The following TBCD variants were observed in gnomAD, a reference collection of about 807,000 sequenced individuals.
TBCD encodes the protein tubulin folding cofactor D.
TBCD carries 105 observed loss-of-function variants against 169.3 expected under a neutral mutation model. The ratio of observed to expected loss-of-function variants is 0.62; its 90% CI spans 0.53 to 0.73. The LOEUF is 0.73. TBCD is among the 30% of genes least tolerant of loss of function. The probability of loss-of-function intolerance (pLI) is 0.00; values close to 1 mark genes in which losing one functional copy is unlikely to be tolerated. For missense variants in TBCD, 1,444 were observed against 1,600.1 expected (o/e 0.90, Z 1.66); for synonymous variants, 700 against 643.9 (o/e 1.09, Z -1.32).
At chr17:82,879,627 T>C (rs1051963644) in intron 14 of TBCD, among the ~76,000 whole-genome samples, 5 of 152,214 alleles carry the variant, frequency 3.3e-5, no homozygotes, top group Admixed American at 6.5e-5. Context: ...CCCTCTGTGC[T>C]GGGCTCCCCA....
At chr17:82,807,726 T>A in intron 11 of TBCD, 58 bp downstream of exon 11, 1 of 1,320,666 alleles carries the variant, frequency 7.6e-7, no homozygotes, top group Non-Finnish European at 9.8e-7. Flanking sequence ...TCCTGTGCGA[T>A]TCAGCAGCTA....
At position 82,832,131 on chromosome 17, in the gene TBCD, C is replaced by A. The variant is rs752120838; in HGVS notation, c.1318+17197C>A. The A allele has an allele frequency of 1.2e-6, 2 of 1,614,200 alleles. No homozygotes were observed. Among genetic ancestry groups the A allele is most frequent in the African/African-American group, 2.7e-5 (2 of 75,050 alleles). On this transcript the variant is annotated intron_variant, in intron 13 of 38. Transcript: ENST00000355528. The surrounding 1 kb of genome is among the most constrained non-coding windows in gnomAD (Gnocchi z 4.9). ...GCTCCAGGTTTTCCTTGATGTCTTC[C>A]CTGGCAGAGCTGTGCTGAAGCTTCG...
chr17:82,883,144 G>T (rs1006289042), intron 14 of TBCD, among the ~76,000 whole-genome samples: 1 of 152,354 alleles, frequency 6.6e-6, no homozygotes, highest in Non-Finnish European at 1.5e-5. Flanking sequence ...TCATGTTGAC[G>T]CGGGCCCCGC....
In TBCD at chr17:82,923,748, C is replaced by T. The variant is rs1371358989; in HGVS notation, c.2260+15C>T. 2 of 1,585,630 alleles carry T rather than the reference C, an allele frequency of 1.3e-6. No homozygotes were observed. Among genetic ancestry groups the T allele is most frequent in the African/African-American group, 2.7e-5 (2 of 74,232 alleles). On this transcript the variant is annotated intron_variant, in intron 26 of 38. Transcript: ENST00000355528. The surrounding 1 kb of genome is among the most constrained non-coding windows in gnomAD (Gnocchi z 4.6). ...CGCAATTCAGGGTGAGTGGGGAGCC[C>T]TTTTCTTGAAGACTCCAGGGGCTTC...
At chr17:82,799,483 A>C (rs1226991013) in intron 8 of TBCD, among the ~76,000 whole-genome samples, 1 of 151,838 alleles carries the variant, frequency 6.6e-6, no homozygotes, top group Non-Finnish European at 1.5e-5. Flanking sequence ...CGAATATCAA[A>C]TTTGAATAAC....
chr17:82,774,586 A>G (rs890232570), intron 6 of TBCD, among the ~76,000 whole-genome samples: 5 of 152,104 alleles, frequency 3.3e-5, no homozygotes, highest in African/African-American at 1.2e-4. Context: ...ACGGGGTGGC[A>G]GCCGGGCAGA....
chr17:82,862,397 C>T (rs186366410), intron 13 of TBCD, among the ~76,000 whole-genome samples: 25 of 152,020 alleles, frequency 1.6e-4, no homozygotes, highest in African/African-American at 5.3e-4. Context: ...AGAAGCCTCT[C>T]GGTGGAGGAA....
chr17:82,939,533 TC>T, intron 37 of TBCD, 57 bp downstream of exon 37: 1 of 1,379,546 alleles, frequency 7.2e-7, no homozygotes, highest in South Asian at 1.2e-5. Flanking sequence ...CCTCTTCCTG[TC>T]CCCACCGTGT....
chr17:82,878,694 G>C (rs972097753), intron 14 of TBCD, among the ~76,000 whole-genome samples: 8 of 152,198 alleles, frequency 5.3e-5, no homozygotes, highest in African/African-American at 1.9e-4. Flanking sequence ...CAGTGTTCTT[G>C]TGGGGTACTC....
At chr17:82,928,250 C>T (rs941436121) in intron 30 of TBCD, among the ~76,000 whole-genome samples, 3 of 152,192 alleles carry the variant, frequency 2.0e-5, no homozygotes, top group African/African-American at 7.2e-5. Flanking sequence ...GGGCCTCCAA[C>T]GGTGCTCTGG....
chr17:82,770,319 G>A (rs183871341), intron 5 of TBCD, among the ~76,000 whole-genome samples: 165 of 152,344 alleles, frequency 1.1e-3, no homozygotes, highest in African/African-American at 3.8e-3. Context: ...GTGGTGATGG[G>A]CTGGGTGCGG....
intron 23 of TBCD, among the ~76,000 whole-genome samples, chr17:82,916,207 C>T (rs747153052): frequency 6.6e-5 from 10 of 152,154 alleles, no homozygotes; most frequent in Non-Finnish European, 1.3e-4. Context: ...CTGCTGGTGG[C>T]ACCCTCTCGT....
chr17:82,904,509 C>G (rs2060104123), intron 19 of TBCD, among the ~76,000 whole-genome samples: 2 of 152,252 alleles, frequency 1.3e-5, no homozygotes, highest in African/African-American at 4.8e-5. Flanking sequence ...AATGGCTCAG[C>G]TAAGTCTGCA....
rs998980623 is a variant in TBCD, at chr17:82,915,682, C to T, written c.2038+3893C>T. Among the ~76,000 whole-genome samples, 2 of 152,140 alleles carry T rather than the reference C, an allele frequency of 1.3e-5. No homozygotes were observed. The highest frequency in any genetic ancestry group is 6.5e-5 in the Admixed American group (1 of 15,288). On this transcript the variant is annotated intron_variant, in intron 23 of 38. Coordinates refer to ENST00000355528, the MANE Select transcript of TBCD (RefSeq NM_005993.5). This position sits in a 1 kb window ranked among gnomAD's most constrained non-coding sequence, Gnocchi z 4.3. ...TTTTATCCTGCTCACATGTGGATCACCGAGGGCAGGGGCCGGGAGGAAGGG... is the reference window on the plus strand; with the variant it reads ...TTTTATCCTGCTCACATGTGGATCATCGAGGGCAGGGGCCGGGAGGAAGGG...
intron 28 of TBCD, 189 bp from the exon 29 acceptor site, chr17:82,926,997 C>T (rs1599623186): frequency 2.6e-6 from 2 of 783,026 alleles, no homozygotes; most frequent in South Asian, 1.9e-5. Context: ...GACGGCAGAG[C>T]GTGACCTCGG....
At chr17:82,907,422 C>T (rs1207363766) in intron 20 of TBCD, among the ~76,000 whole-genome samples, 1 of 152,212 alleles carries the variant, frequency 6.6e-6, no homozygotes, top group African/African-American at 2.4e-5. Context: ...GTGGCTCACG[C>T]CTGTAATCCC....
chr17:82,810,564 C>T (rs546389785), intron 12 of TBCD, among the ~76,000 whole-genome samples: 17 of 152,210 alleles, frequency 1.1e-4, no homozygotes, highest in Admixed American at 8.5e-4. Flanking sequence ...CTGGGATGTG[C>T]GGGTGGCAGG....
rs1809127930 is a variant in TBCD, at chr17:82,782,056, C to T, written c.771+335C>T. On this transcript the variant is annotated intron_variant, in intron 7 of 38. Coordinates refer to ENST00000355528, the MANE Select transcript of TBCD (RefSeq NM_005993.5). The surrounding 1 kb of genome is among the most constrained non-coding windows in gnomAD (Gnocchi z 5.1). The stretch of plus-strand genomic sequence containing the variant: ...TTTAAGTGCAGAGACTGAACGAGCT[C>T]TAATAAAACAAGGTGGGTGAGTTGA... Among the ~76,000 whole-genome samples the T allele has an allele frequency of 6.6e-6, 1 of 152,166 alleles. No homozygotes were observed. Among genetic ancestry groups the T allele is most frequent in the Non-Finnish European group, 1.5e-5 (1 of 68,036 alleles).
intron 13 of TBCD, among the ~76,000 whole-genome samples, chr17:82,841,830 A>G (rs2145468353): frequency 1.3e-5 from 2 of 152,240 alleles, no homozygotes; most frequent in African/African-American, 4.8e-5. Context: ...TGGAGGGTCC[A>G]GGACAGCTTT....
Sources: gnomAD v4.1 joint callset for allele counts (sites outside exome capture counted in the v4.1 genomes callset) on GRCh38, gnomAD v4.1.1 for gene constraint, Gnocchi (gnomAD v3.1) non-coding constraint, MANE v1.5 for transcripts, NCBI Gene and HGNC (gene_info 2026-07-23, HGNC 2026-07-21) for gene names.